Variants in RYR3 observed in about 807,000 individuals in gnomAD.
The protein encoded by RYR3 is brain ryanodine receptor-calcium release channel.
A neutral mutation model predicts 584.3 loss-of-function variants in RYR3; 207 were observed. The ratio of observed to expected loss-of-function variants is 0.35; its 90% CI spans 0.32 to 0.40. The LOEUF (loss-of-function observed/expected upper bound fraction) is 0.40. Ranked by LOEUF, RYR3 falls within the 10% of genes least tolerant of loss-of-function variation. The probability of loss-of-function intolerance (pLI) is 1.00; values close to 1 mark genes in which losing one functional copy is unlikely to be tolerated. For missense variants in RYR3, 5,616 were observed against 6,089.2 expected (o/e 0.92, Z 2.59); for synonymous variants, 2,416 against 2,248.5 (o/e 1.07, Z -2.11).
At chr15:33,370,279 C>T (rs2040236131) in intron 1 of RYR3, among the ~76,000 whole-genome samples, 1 of 152,234 alleles carries the variant, frequency 6.6e-6, no homozygotes, top group Non-Finnish European at 1.5e-5. Flanking sequence ...CCTCTACACA[C>T]TCTGACACGG....
chr15:33,738,646 A>G (rs138616269), intron 50 of RYR3, 56 bp downstream of exon 50: 1 of 1,590,350 alleles, frequency 6.3e-7, no homozygotes, highest in Non-Finnish European at 8.6e-7. Context: ...CAGCATCTAC[A>G]GATAATAACA....
At chr15:33,335,865 C>G (rs1024910744) in intron 1 of RYR3, among the ~76,000 whole-genome samples, 7 of 151,586 alleles carry the variant, frequency 4.6e-5, no homozygotes, top group African/African-American at 1.7e-4. Context: ...AAGGCTGGTA[C>G]TAGAAGAAGA....
chr15:33,663,038 AG>A, intron 35 of RYR3, 90 bp downstream of exon 35: 1 of 1,185,770 alleles, frequency 8.4e-7, no homozygotes, highest in Non-Finnish European at 1.2e-6. Context: ...AAAGGAGGTA[AG>A]GTATGTCAAG....
At chr15:33,572,592 C>G (rs1316199375) in intron 12 of RYR3, among the ~76,000 whole-genome samples, 1 of 149,818 alleles carries the variant, frequency 6.7e-6, no homozygotes, top group African/African-American at 2.5e-5. Flanking sequence ...CATCAACAGG[C>G]TGAAACACCA....
intron 1 of RYR3, among the ~76,000 whole-genome samples, chr15:33,463,769 A>AAGCTCC (rs1836671136): frequency 6.6e-6 from 1 of 152,180 alleles, no homozygotes; most frequent in Non-Finnish European, 1.5e-5. Flanking sequence ...GGTCAAGCTC[A>AAGCTCC]AGCTCCAACC....
chr15:33,323,403 C>T (rs900484115), intron 1 of RYR3, among the ~76,000 whole-genome samples: 4 of 152,064 alleles, frequency 2.6e-5, no homozygotes, highest in African/African-American at 7.2e-5. Flanking sequence ...CCACCGCGCC[C>T]GGCCTTAATA....
intron 43 of RYR3, among the ~76,000 whole-genome samples, chr15:33,715,306 T>C (rs2067414028): frequency 6.6e-6 from 1 of 152,234 alleles, no homozygotes; most frequent in Non-Finnish European, 1.5e-5. Flanking sequence ...TAGGACTAAA[T>C]GTGTGACACA....
At chr15:33,657,892 A>T (rs2062913809) in intron 32 of RYR3, among the ~76,000 whole-genome samples, 1 of 152,216 alleles carries the variant, frequency 6.6e-6, no homozygotes, top group African/African-American at 2.4e-5. Flanking sequence ...AAATGATAGC[A>T]CTAAATCATG....
At chr15:33,725,726 G>A (rs910389572) in intron 45 of RYR3, among the ~76,000 whole-genome samples, 3 of 151,198 alleles carry the variant, frequency 2.0e-5, no homozygotes, top group Admixed American at 6.6e-5. Context: ...TTGGGAGGCC[G>A]AGATGGGCAG....
At position 33,473,434 on chromosome 15, in the gene RYR3, C is replaced by T. The variant is rs1373943689; in HGVS notation, c.67C>T (p.Leu23Phe). 13 of 1,613,870 alleles carry T rather than the reference C, an allele frequency of 8.1e-6. No homozygotes were observed. The highest frequency in any genetic ancestry group is 1.1e-5 in the Non-Finnish European group (13 of 1,179,820). The change falls in exon 2 of 104, where the codon CTC becomes TTC. Residue 23 changes from leucine (L) to phenylalanine (F), a missense_variant. Physicochemically the swap from Leu to Phe is conservative, Grantham distance 22. Around this residue, in one of 9 missense-constraint regions of RYR3, gnomAD observed 1,284 missense variants for 1,344.6 expected, o/e 0.95. Coordinates refer to ENST00000634891, the MANE Select transcript of RYR3 (RefSeq NM_001036.6). ...CTCCTGGCAGGAGGATGAAGTGGTA[C>T]TCCAGTGCATCGCCACCATTCATAA... is the stretch of plus-strand genomic sequence containing the variant. ...QFLRTEDEVVLQCIATIHKEQ... is the reference protein window; with the variant it reads ...QFLRTEDEVVFQCIATIHKEQ...
intron 10 of RYR3, among the ~76,000 whole-genome samples, chr15:33,554,745 T>C (rs1293644105): frequency 1.3e-5 from 2 of 152,232 alleles, no homozygotes; most frequent in Non-Finnish European, 2.9e-5. Context: ...CACATCATTT[T>C]TCCATGGTCT....
In RYR3 at chr15:33,550,289, C is replaced by T. The variant is rs1397260652; in HGVS notation, c.945C>T (p.Ser315=). The part of the protein sequence containing the change: ...LQDRAKSDTK[S]TAFSFRASKE... ...ACCGGGCAAAGTCAGACACCAAGTC[C>T]ACAGCTTTCTCTTTCCGGGCATCAA... is the stretch of plus-strand genomic sequence containing the variant. Residue 315 remains serine, a synonymous_variant, in exon 10 of 104, where the codon TCC becomes TCT. Coordinates refer to ENST00000634891, the MANE Select transcript of RYR3 (RefSeq NM_001036.6). 1 of 1,613,382 alleles carries T rather than the reference C, an allele frequency of 6.2e-7. No individual in the cohort carries two copies. Among genetic ancestry groups the T allele is most frequent in the Non-Finnish European group, 8.5e-7 (1 of 1,179,638 alleles).
At chr15:33,432,694 G>GTGTGTGTGTGTGTGTGTGTGTGTA (rs1243653764) in intron 1 of RYR3, among the ~76,000 whole-genome samples, 9 of 149,036 alleles carry the variant, frequency 6.0e-5, no homozygotes, top group African/African-American at 2.3e-4. Context: ...GTGTGTGTGT[G>GTGTGTGTGTGTGTGTGTGTGTGTA]TGTTTAAAGT....
intron 10 of RYR3, among the ~76,000 whole-genome samples, chr15:33,558,889 G>A (rs553575395): frequency 4.6e-5 from 7 of 152,302 alleles, no homozygotes; most frequent in Admixed American, 4.6e-4. Context: ...CCATCCTCCA[G>A]GAGGCAGAGA....
At chr15:33,846,645 C>T (rs1461887706) in intron 93 of RYR3, among the ~76,000 whole-genome samples, 2 of 152,156 alleles carry the variant, frequency 1.3e-5, no homozygotes, top group South Asian at 2.1e-4. Flanking sequence ...GGAAGTCCAG[C>T]TACTGTGCTG....
chr15:33,359,818 TCA>T (rs1381771350), intron 1 of RYR3, among the ~76,000 whole-genome samples: 1 of 151,900 alleles, frequency 6.6e-6, no homozygotes, highest in African/African-American at 2.4e-5. Flanking sequence ...AGACGGGGTT[TCA>T]CTGTGTTAGC....
Position 33,838,258 on chromosome 15 carries a change from T to A in RYR3, c.12278T>A (p.Ile4093Asn), listed in dbSNP as rs761043035. 1 of 1,614,030 alleles carries A rather than the reference T, an allele frequency of 6.2e-7. No individual in the cohort carries two copies. The highest frequency in any genetic ancestry group is 8.5e-7 in the Non-Finnish European group (1 of 1,179,898). ...ELFVNFCEDT[I>N]FEMQLASQIS... Reference sequence around the variant, plus strand: ...TTTGTGAACTTCTGTGAGGACACCATCTTTGAAATGCAGTTAGCATCTCAG... The same window carrying A: ...TTTGTGAACTTCTGTGAGGACACCAACTTTGAAATGCAGTTAGCATCTCAG... The change falls in exon 89 of 104, where the codon ATC becomes AAC. Residue 4093 changes from isoleucine to asparagine, a missense_variant. Coordinates refer to ENST00000634891, the MANE Select transcript of RYR3 (RefSeq NM_001036.6).
At chr15:33,395,811 G>A (rs915450513) in intron 1 of RYR3, among the ~76,000 whole-genome samples, 19 of 152,192 alleles carry the variant, frequency 1.2e-4, no homozygotes, top group African/African-American at 4.6e-4. Flanking sequence ...TTAGCCCTCT[G>A]TAGTTGCGGA....
At chr15:33,431,605 A>T (rs28416549) in intron 1 of RYR3, among the ~76,000 whole-genome samples, 1 of 152,078 alleles carries the variant, frequency 6.6e-6, no homozygotes, top group African/African-American at 2.4e-5. Context: ...TGCAAAAAAA[A>T]ATATGAAAAA....
Sources: allele counts gnomAD v4.1 joint callset (sites outside exome capture counted in the v4.1 genomes callset), GRCh38; gene constraint gnomAD v4.1.1; regional missense constraint gnomAD v4.1.1; transcripts MANE v1.5; gene names NCBI Gene and HGNC (gene_info 2026-07-23, HGNC 2026-07-21).